The following MBNL2 variants were observed in gnomAD, a reference collection of about 807,000 sequenced individuals.
MBNL2 encodes muscleblind-like protein 2.
Under a neutral mutation model 41.9 loss-of-function variants are expected in MBNL2, and 17 were observed. That is an observed-to-expected ratio of 0.41 (90% confidence interval 0.28 to 0.61). The LOEUF (loss-of-function observed/expected upper bound fraction) is 0.61. MBNL2 is among the 20% of genes least tolerant of loss of function. The pLI, the probability that MBNL2 is intolerant of heterozygous loss-of-function variation, is 0.35. For missense variants in MBNL2, 336 were observed against 505.6 expected (o/e 0.66, Z 3.22); for synonymous variants, 195 against 182.9 (o/e 1.07, Z -0.53).
the MBNL2 span, among the ~76,000 whole-genome samples, chr13:97,167,505 A>T: frequency 1.3e-5 from 2 of 152,192 alleles, no homozygotes; most frequent in Admixed American, 1.3e-4. Context: ...AGCTAGAAGA[A>T]ATTAATTTCC....
chr13:97,187,906 C>A, the MBNL2 span, among the ~76,000 whole-genome samples: 837 of 121,114 alleles, frequency 6.9e-3, no homozygotes, highest in African/African-American at 7.9e-3. Flanking sequence ...GACTTCGTCT[C>A]AAAAAAAAAA....
At chr13:97,166,782 T>TGATAGATAGATAGATAGATAGATAGATA in the MBNL2 span, among the ~76,000 whole-genome samples, 3 of 139,982 alleles carry the variant, frequency 2.1e-5, no homozygotes, top group Non-Finnish European at 3.1e-5. Context: ...AAACTTCCCT[T>TGATAGATAGATAGATAGATAGATAGATA]GATAGATAGA....
chr13:97,294,721 C>T (rs1306122795), intron 2 of MBNL2, among the ~76,000 whole-genome samples: 1 of 152,164 alleles, frequency 6.6e-6, no homozygotes, highest in Non-Finnish European at 1.5e-5. Context: ...AGTTATTACA[C>T]TGTATAAATC....
At chr13:97,234,110 TG>T (rs1288720517) in intron 1 of MBNL2, among the ~76,000 whole-genome samples, 3 of 152,204 alleles carry the variant, frequency 2.0e-5, no homozygotes, top group Non-Finnish European at 4.4e-5. Flanking sequence ...CTTTCTTTAT[TG>T]ACCGGACAAT....
the MBNL2 span, among the ~76,000 whole-genome samples, chr13:97,193,656 A>C: frequency 4.6e-5 from 7 of 152,192 alleles, no homozygotes; most frequent in Admixed American, 3.3e-4. Flanking sequence ...TACTAGGTGG[A>C]GAATGGATTG....
chr13:97,204,497 T>C, the MBNL2 span, among the ~76,000 whole-genome samples: 2 of 152,222 alleles, frequency 1.3e-5, no homozygotes, highest in African/African-American at 2.4e-5. Flanking sequence ...GTATTACCTA[T>C]ATCAGGAACT....
Position 97,366,737 on chromosome 13 carries a change from A to C in MBNL2, c.1048+1566A>C, listed in dbSNP as rs1256311284. On this transcript the variant is annotated intron_variant, in intron 8 of 8. Transcript: ENST00000679496. This position sits in a 1 kb window ranked among gnomAD's most constrained non-coding sequence, Gnocchi z 4.7. ...TTATTTAGAGTTAACATTTACTGCAAATAATGATGTAGCTATGTTTTGTGT... is the reference window on the plus strand; with the variant it reads ...TTATTTAGAGTTAACATTTACTGCACATAATGATGTAGCTATGTTTTGTGT... The C allele has an allele frequency of 1.4e-5, 9 of 666,184 alleles. No individual in the cohort carries two copies. The East Asian group carries it at 2.5e-4, about 18-fold the overall frequency. 41.3% of individuals were successfully genotyped at this position (666,184 alleles called of 1,614,324 possible).
chr13:97,183,625 C>T, the MBNL2 span, among the ~76,000 whole-genome samples: 1 of 152,234 alleles, frequency 6.6e-6, no homozygotes, highest in Non-Finnish European at 1.5e-5. Context: ...AATTTTACGC[C>T]CACAGTTGGG....
chr13:97,159,778 A>G, the MBNL2 span, among the ~76,000 whole-genome samples: 1 of 151,640 alleles, frequency 6.6e-6, no homozygotes, highest in Non-Finnish European at 1.5e-5. Context: ...TGTTAGTCTG[A>G]TGGGCTTCCC....
intron 1 of MBNL2, among the ~76,000 whole-genome samples, chr13:97,225,993 T>A (rs2041540532): frequency 6.6e-6 from 1 of 152,228 alleles, no homozygotes. Context: ...CATACTATTT[T>A]TTTTTCTCCA....
chr13:97,219,232 G>C (rs2040660396), upstream of MBNL2, among the ~76,000 whole-genome samples: 1 of 152,144 alleles, frequency 6.6e-6, no homozygotes, highest in Admixed American at 6.5e-5. Flanking sequence ...GGCTATGAGA[G>C]AAAACAAGAA....
chr13:97,239,463 C>A (rs761747917), intron 1 of MBNL2, among the ~76,000 whole-genome samples: 21 of 152,334 alleles, frequency 1.4e-4, no homozygotes, highest in Middle Eastern at 3.4e-3. Context: ...ATGAGTCATA[C>A]TCACAGAAAT....
chr13:97,369,247 A>G (rs2064142814), intron 8 of MBNL2, among the ~76,000 whole-genome samples: 1 of 152,228 alleles, frequency 6.6e-6, no homozygotes, highest in Non-Finnish European at 1.5e-5. Flanking sequence ...TTCACTCTTT[A>G]AACTCAAATA....
chr13:97,287,158 G>A (rs963993422), intron 2 of MBNL2, among the ~76,000 whole-genome samples: 2 of 152,140 alleles, frequency 1.3e-5, no homozygotes, highest in African/African-American at 4.8e-5. Context: ...CGAAAGGTGT[G>A]GCAGGCTCAC....
intron 1 of MBNL2, among the ~76,000 whole-genome samples, chr13:97,263,602 G>A (rs1340560289): frequency 6.6e-5 from 10 of 152,132 alleles, no homozygotes; most frequent in East Asian, 1.9e-4. Flanking sequence ...CCCTTGGAGC[G>A]AGGAACCAGC....
the MBNL2 span, among the ~76,000 whole-genome samples, chr13:97,175,870 C>T: frequency 6.6e-6 from 1 of 152,146 alleles, no homozygotes; most frequent in Middle Eastern, 3.2e-3. Flanking sequence ...AATGCATAGC[C>T]AAAGCAGGCT....
At chr13:97,299,685 T>G (rs1438800065) in intron 2 of MBNL2, among the ~76,000 whole-genome samples, 2 of 149,632 alleles carry the variant, frequency 1.3e-5, no homozygotes, top group African/African-American at 5.0e-5. Context: ...TCTATCTATC[T>G]ATCATCTATA....
At chr13:97,345,801 G>A (rs1171005820) in intron 4 of MBNL2, among the ~76,000 whole-genome samples, 4 of 123,258 alleles carry the variant, frequency 3.2e-5, no homozygotes, top group Admixed American at 3.2e-4. Flanking sequence ...CAAGTTTGTC[G>A]TCATTTTCTC....
At chr13:97,230,346 G>A (rs928170241) in intron 1 of MBNL2, among the ~76,000 whole-genome samples, 2 of 152,198 alleles carry the variant, frequency 1.3e-5, no homozygotes, top group Non-Finnish European at 2.9e-5. Context: ...TGGGAATAGG[G>A]TTGAAGGAGG....
Sources: allele counts gnomAD v4.1 joint callset (sites outside exome capture counted in the v4.1 genomes callset), GRCh38; gene constraint gnomAD v4.1.1; non-coding constraint Gnocchi (gnomAD v3.1); transcripts MANE v1.5; gene names NCBI Gene and HGNC (gene_info 2026-07-23, HGNC 2026-07-21).